PIK3C2G: variants seen among roughly 807,000 people sequenced by gnomAD.
PIK3C2G encodes the protein phosphatidylinositol 3-kinase C2 domain-containing subunit gamma.
Under a neutral mutation model 181.1 loss-of-function variants are expected in PIK3C2G, and 168 were observed. That is an observed-to-expected ratio of 0.93 (90% CI 0.82 to 1.05). The LOEUF (loss-of-function observed/expected upper bound fraction) is 1.05, where lower values mean the gene tolerates loss of function less well. PIK3C2G is among the 50% of genes least tolerant of loss of function. The pLI is 0.00. For missense variants in PIK3C2G, 1,869 were observed against 1,732.8 expected, an observed-to-expected ratio of 1.08 and a Z score of -1.40; for synonymous variants, 573 against 592.2, an observed-to-expected ratio of 0.97 and a Z score of 0.47.
chr12:18,698,282 A>ATTCTATTCTATTCTATTCTATTCTATT, the PIK3C2G span, among the ~76,000 whole-genome samples: 1 of 151,694 alleles, frequency 6.6e-6, no homozygotes, highest in Non-Finnish European at 1.5e-5. Context: ...ATTCTATTCT[A>ATTCTATTCTATTCTATTCTATTCTATT]TTCTACTCCA....
In PIK3C2G at chr12:18,538,209, G is replaced by A. The variant is rs565578531; in HGVS notation, c.3377G>A (p.Gly1126Asp). 2.5e-5 allele frequency: 41 copies of A among 1,612,306 alleles called. No homozygotes were observed. Among genetic ancestry groups the A allele is most frequent in the Non-Finnish European group, 1.4e-5 (17 of 1,178,998 alleles). Reference sequence around the variant, plus strand: ...GAGATGGAATACTTTATTACAGAGGGTGGGAAAAACCCACAGCATTTTCAA... The same window carrying A: ...GAGATGGAATACTTTATTACAGAGGATGGGAAAAACCCACAGCATTTTCAA... ...TSEMEYFITE[G>D]GKNPQHFQDF... Residue 1126 changes from glycine (G) to aspartate (D), a missense_variant, in exon 25 of 33, where the codon GGT becomes GAT. Transcript: ENST00000538779.
chr12:18,615,365 G>A (rs77862988), intron 31 of PIK3C2G, among the ~76,000 whole-genome samples: 30,999 of 125,526 alleles, frequency 0.25, 4,005 homozygotes, highest in East Asian at 0.45. Flanking sequence ...GTGTGTGTGT[G>A]TGTGTATGTG....
downstream of PIK3C2G, among the ~76,000 whole-genome samples, chr12:18,649,515 C>G (rs866389550): frequency 1.3e-5 from 2 of 152,088 alleles, no homozygotes; most frequent in Non-Finnish European, 2.9e-5. Context: ...TTAAAACTTT[C>G]TCGTTACCCC....
intron 31 of PIK3C2G, among the ~76,000 whole-genome samples, chr12:18,623,949 T>G (rs750976900): frequency 5.3e-5 from 8 of 151,786 alleles, no homozygotes; most frequent in Non-Finnish European, 1.2e-4. Flanking sequence ...TCTTTTGAGT[T>G]ATCTATATAT....
chr12:18,486,585 TTTTC>T (rs1437584977), intron 18 of PIK3C2G, among the ~76,000 whole-genome samples: 2 of 152,108 alleles, frequency 1.3e-5, no homozygotes, highest in African/African-American at 2.4e-5. Flanking sequence ...GTAAATTAAC[TTTTC>T]TTTCTATCAC....
At chr12:18,247,062 G>A (rs1948047836), upstream of PIK3C2G, among the ~76,000 whole-genome samples, 1 of 152,094 alleles carries the variant, frequency 6.6e-6, no homozygotes, top group Non-Finnish European at 1.5e-5. Flanking sequence ...TTTTCTCACT[G>A]CAAGACTTCT....
At chr12:18,689,500 A>G in the PIK3C2G span, among the ~76,000 whole-genome samples, 1 of 152,166 alleles carries the variant, frequency 6.6e-6, no homozygotes, top group Admixed American at 6.5e-5. Context: ...TGTGTGGCCC[A>G]AGATAATTCC....
chr12:18,674,007 T>C, the PIK3C2G span, among the ~76,000 whole-genome samples: 4 of 152,124 alleles, frequency 2.6e-5, no homozygotes, highest in Non-Finnish European at 5.9e-5. Flanking sequence ...TAAAAGCAGA[T>C]TGTTTAAAGG....
chr12:18,610,586 C>A (rs1592710882), intron 31 of PIK3C2G, among the ~76,000 whole-genome samples: 1 of 152,018 alleles, frequency 6.6e-6, no homozygotes, highest in African/African-American at 2.4e-5. Flanking sequence ...AGTATCTGGG[C>A]AAATATTTTA....
chr12:18,347,681 C>A (rs1006577321), intron 11 of PIK3C2G, among the ~76,000 whole-genome samples: 5 of 151,890 alleles, frequency 3.3e-5, no homozygotes, highest in Non-Finnish European at 7.4e-5. Context: ...CATGATGGCA[C>A]GTGCCTGTAA....
At chr12:18,388,036 G>A (rs372939589) in intron 14 of PIK3C2G, among the ~76,000 whole-genome samples, 8 of 152,176 alleles carry the variant, frequency 5.3e-5, no homozygotes, top group Middle Eastern at 3.4e-3. Flanking sequence ...TATCGTCAGC[G>A]TTAGGAAGAA....
chr12:18,260,557 A>C (rs1159316962), upstream of PIK3C2G, among the ~76,000 whole-genome samples: 1 of 152,036 alleles, frequency 6.6e-6, no homozygotes, highest in African/African-American at 2.4e-5. Context: ...TGAACCTTCA[A>C]TACTATAAAT....
the PIK3C2G span, among the ~76,000 whole-genome samples, chr12:18,694,409 G>A: frequency 1.3e-5 from 2 of 152,138 alleles, no homozygotes; most frequent in Non-Finnish European, 2.9e-5. Flanking sequence ...GACAGATACT[G>A]GAGAAAGACA....
chr12:18,343,596 A>G (rs1472698540), intron 10 of PIK3C2G, among the ~76,000 whole-genome samples: 1 of 152,008 alleles, frequency 6.6e-6, no homozygotes, highest in Non-Finnish European at 1.5e-5. Context: ...TTTTAGCCTG[A>G]TATTTTAAAA....
At chr12:18,424,753 G>C (rs957007128) in intron 18 of PIK3C2G, 1 of 209,312 alleles carries the variant, frequency 4.8e-6, no homozygotes, top group African/African-American at 2.3e-5. Context: ...TGAAGTAGAA[G>C]AAGTTCAAGG....
In PIK3C2G at chr12:18,606,098, G is replaced by A. The variant is rs778195841; in HGVS notation, c.4088-3437G>A. Reference sequence around the variant, plus strand: ...CTACTGAGTGTCAATTCCTAGTGGTGTGAGTTTTCACTGGGTTCTGAACTC... The same window carrying A: ...CTACTGAGTGTCAATTCCTAGTGGTATGAGTTTTCACTGGGTTCTGAACTC... On this transcript the variant is annotated intron_variant, in intron 30 of 32. Coordinates refer to ENST00000538779, the MANE Select transcript of PIK3C2G (RefSeq NM_001288772.2). 9.2e-5 allele frequency among the ~76,000 whole-genome samples: 14 copies of A among 152,146 alleles called. 1 individual carries two copies. Among genetic ancestry groups the A allele is most frequent in the Admixed American group, 2.0e-4 (3 of 15,262 alleles).
chr12:18,657,293 A>G, the PIK3C2G span, among the ~76,000 whole-genome samples: 1 of 152,170 alleles, frequency 6.6e-6, no homozygotes, highest in Non-Finnish European at 1.5e-5. Context: ...AGGGCTCTGA[A>G]AAGTTTCCAC....
At chr12:18,412,491 A>G (rs1207551743) in intron 16 of PIK3C2G, among the ~76,000 whole-genome samples, 1 of 152,212 alleles carries the variant, frequency 6.6e-6, no homozygotes, top group Non-Finnish European at 1.5e-5. Flanking sequence ...AAGAGAATCC[A>G]GCTCTCTTTC....
At position 18,282,304 on chromosome 12, in the gene PIK3C2G, G is replaced by A; in HGVS notation, c.223G>A (p.Gly75Arg). The change falls in exon 2 of 33, where the codon GGG (glycine) becomes AGG (arginine). Residue 75 changes from glycine (G) to arginine (R), a missense_variant. Gly to Arg is a moderately radical substitution (Grantham distance 125). Coordinates refer to ENST00000538779, the MANE Select transcript of PIK3C2G (RefSeq NM_001288772.2). ...VPTAPKWDST[G>R]HSLNEAHQIS... The stretch of plus-strand genomic sequence containing the variant: ...CACTGCACCAAAATGGGACTCAACA[G>A]GGCATTCATTAAATGAAGCACACCA... The A allele has an allele frequency of 6.2e-7, 1 of 1,613,176 alleles. No individual in the cohort carries two copies. Among genetic ancestry groups the A allele is most frequent in the Non-Finnish European group, 8.5e-7 (1 of 1,179,286 alleles).
Sources: allele counts gnomAD v4.1 joint callset (sites outside exome capture counted in the v4.1 genomes callset), GRCh38; gene constraint gnomAD v4.1.1; transcripts MANE v1.5; gene names NCBI Gene and HGNC (gene_info 2026-07-23, HGNC 2026-07-21).